The following CNOT6 variants were observed in gnomAD, a reference collection of about 807,000 sequenced individuals.
CNOT6 encodes carbon catabolite repression 4 protein.
Under a neutral mutation model 61.2 loss-of-function variants are expected in CNOT6, and 12 were observed. That is an observed-to-expected ratio of 0.20 (90% confidence interval 0.13 to 0.32). The LOEUF (loss-of-function observed/expected upper bound fraction) is 0.32, where lower values mean the gene tolerates loss of function less well. Ranked by LOEUF, CNOT6 falls within the 10% of genes least tolerant of loss-of-function variation. CNOT6 has a pLI of 1.00. For missense variants in CNOT6, 405 were observed against 663.9 expected (o/e 0.61, Z 4.28); for synonymous variants, 225 against 240.6 (o/e 0.94, Z 0.60).
intron 2 of CNOT6, among the ~76,000 whole-genome samples, chr5:180,548,969 T>G (rs564962251): frequency 6.6e-6 from 1 of 152,334 alleles, no homozygotes; most frequent in South Asian, 2.1e-4. Flanking sequence ...GCAGATTTAC[T>G]GTTGCATTGA....
intron 2 of CNOT6, among the ~76,000 whole-genome samples, chr5:180,548,840 A>C (rs944504484): frequency 6.6e-6 from 1 of 152,208 alleles, no homozygotes; most frequent in Non-Finnish European, 1.5e-5. Flanking sequence ...AAAGACTGGT[A>C]TGTTTTTATT....
intron 4 of CNOT6, among the ~76,000 whole-genome samples, chr5:180,557,593 C>G (rs1332073505): frequency 6.6e-6 from 1 of 151,956 alleles, no homozygotes; most frequent in Non-Finnish European, 1.5e-5. Flanking sequence ...ACTGGGAGTC[C>G]TTTATATATT....
At chr5:180,560,035 G>A (rs1194264398) in intron 4 of CNOT6, among the ~76,000 whole-genome samples, 2 of 149,930 alleles carry the variant, frequency 1.3e-5, no homozygotes, top group Non-Finnish European at 1.5e-5. Context: ...TGCAAGTTCC[G>A]CCTCCTGGGT....
intron 2 of CNOT6, 104 bp downstream of exon 2, chr5:180,529,492 C>T (rs1758252297): frequency 1.3e-5 from 9 of 699,106 alleles, no homozygotes; most frequent in Non-Finnish European, 2.3e-5. Context: ...TTATATTTTA[C>T]AAATGTAATG....
chr5:180,504,504 G>A (rs1409615626), intron 1 of CNOT6, among the ~76,000 whole-genome samples: 2 of 82,444 alleles, frequency 2.4e-5, no homozygotes, highest in Admixed American at 1.2e-4. Context: ...TCCAAGAGCG[G>A]GGGCAGTAAA....
intron 4 of CNOT6, among the ~76,000 whole-genome samples, chr5:180,560,346 C>G (rs1218293061): frequency 6.6e-6 from 1 of 152,068 alleles, no homozygotes; most frequent in Non-Finnish European, 1.5e-5. Context: ...TTCCAAAGTC[C>G]TTCTTTTATC....
chr5:180,573,569 G>T (rs1581579554), intron 11 of CNOT6, among the ~76,000 whole-genome samples: 1 of 29,584 alleles, frequency 3.4e-5, no homozygotes, highest in East Asian at 7.0e-3. Context: ...GTGTGTGTGT[G>T]TGTGTGTGTG....
intron 2 of CNOT6, among the ~76,000 whole-genome samples, chr5:180,530,361 C>T (rs1303473685): frequency 6.6e-6 from 1 of 152,058 alleles, no homozygotes; most frequent in Non-Finnish European, 1.5e-5. Flanking sequence ...GTATAAATAA[C>T]TAATAGACAA....
intron 2 of CNOT6, among the ~76,000 whole-genome samples, chr5:180,539,606 TTGAGACGGAGTC>T (rs1758921525): frequency 1.1e-5 from 1 of 91,144 alleles, no homozygotes; most frequent in Non-Finnish European, 1.9e-5. Context: ...TTTTTTTTTT[TTGAGACGGAGTC>T]TTGTTCTGTC....
intron 4 of CNOT6, among the ~76,000 whole-genome samples, chr5:180,560,916 T>G (rs761155360): frequency 3.3e-5 from 5 of 150,386 alleles, no homozygotes; most frequent in African/African-American, 9.8e-5. Flanking sequence ...CTTTTTGTTG[T>G]TGTTGGTGGT....
intron 2 of CNOT6, among the ~76,000 whole-genome samples, chr5:180,543,050 AATTTATTT>A (rs1002282672): frequency 1.3e-5 from 2 of 151,590 alleles, no homozygotes; most frequent in South Asian, 2.1e-4. Context: ...AATTTTTTTA[AATTTATTT>A]ATTTATTTAT....
chr5:180,526,402 G>A (rs1308140897), intron 1 of CNOT6, among the ~76,000 whole-genome samples: 5 of 152,272 alleles, frequency 3.3e-5, no homozygotes, highest in South Asian at 4.1e-4. Flanking sequence ...GGGGTGGATC[G>A]AATTGCACAA....
intron 2 of CNOT6, among the ~76,000 whole-genome samples, chr5:180,531,511 G>C (rs928001280): frequency 2.0e-5 from 3 of 151,332 alleles, no homozygotes; most frequent in East Asian, 2.0e-4. Context: ...CTGGGCGGCC[G>C]GGCTGAGGGG....
intron 2 of CNOT6, among the ~76,000 whole-genome samples, chr5:180,537,086 A>G (rs1380853933): frequency 2.0e-5 from 3 of 152,296 alleles, no homozygotes; most frequent in South Asian, 4.1e-4. Flanking sequence ...AGTTTTGGCA[A>G]TTTTTGGTAA....
At position 180,517,766 on chromosome 5, in the gene CNOT6, T is replaced by TTTCTTGACCTCGTGATCCGCC. The variant is rs1281417476; in HGVS notation, c.-2-11508_-2-11488dup. 3.4e-5 allele frequency among the ~76,000 whole-genome samples: 5 copies of TTTCTTGACCTCGTGATCCGCC among 145,482 alleles called. No homozygotes were observed. The South Asian group carries it at 1.1e-3, about 32-fold the overall frequency. On this transcript the variant is annotated intron_variant, in intron 1 of 11. Coordinates refer to ENST00000261951, the MANE Select transcript of CNOT6 (RefSeq NM_001370472.1). ...ACCATGTTGGCTAGGCTGGTTTCAA[T>TTTCTTGACCTCGTGATCCGCC]TTCTTGACCTCGTGATCCGCCCGCC...
chr5:180,552,625 A>G (rs538127256), intron 3 of CNOT6, among the ~76,000 whole-genome samples: 162 of 150,654 alleles, frequency 1.1e-3, no homozygotes, highest in Non-Finnish European at 1.7e-3. Context: ...CAGCCTGGGC[A>G]ATGGAGCGAG....
intron 2 of CNOT6, among the ~76,000 whole-genome samples, chr5:180,533,310 ACC>A (rs1758482904): frequency 2.9e-5 from 2 of 68,726 alleles, no homozygotes; most frequent in South Asian, 5.1e-4. Flanking sequence ...ATGGATGAAA[ACC>A]TATATATATA....
At chr5:180,549,831 A>AT in intron 2 of CNOT6, 100 bp from the exon 3 acceptor site, 1 of 875,380 alleles carries the variant, frequency 1.1e-6, no homozygotes, top group South Asian at 1.8e-5. Flanking sequence ...TTGGATAATA[A>AT]TTTAAGTTAC....
At chr5:180,541,034 C>G (rs1314284102) in intron 2 of CNOT6, among the ~76,000 whole-genome samples, 1 of 151,968 alleles carries the variant, frequency 6.6e-6, no homozygotes, top group Admixed American at 6.6e-5. Flanking sequence ...AAAAGCCTTT[C>G]TGTTGACCTA....
Sources: allele counts gnomAD v4.1 joint callset (sites outside exome capture counted in the v4.1 genomes callset), GRCh38; gene constraint gnomAD v4.1.1; transcripts MANE v1.5; gene names NCBI Gene and HGNC (gene_info 2026-07-23, HGNC 2026-07-21).